The following PHAX variants were observed in gnomAD, a reference collection of about 807,000 sequenced individuals.
PHAX encodes the protein phosphorylated adapter RNA export protein.
In PHAX, 31 loss-of-function variants were observed where a neutral mutation model predicts 41.6. That is an observed-to-expected ratio of 0.75 (90% CI 0.56 to 1.01). The LOEUF (loss-of-function observed/expected upper bound fraction) is 1.01. PHAX is among the 50% of genes least tolerant of loss of function. The pLI, the probability that PHAX is intolerant of heterozygous loss-of-function variation, is 0.00. For missense variants in PHAX, 453 were observed against 472.9 expected, an observed-to-expected ratio of 0.96 and a Z score of 0.39; for synonymous variants, 175 against 164.9, an observed-to-expected ratio of 1.06 and a Z score of -0.47.
At position 126,626,734 on chromosome 5, in the gene PHAX, T is replaced by G. The variant is rs1423559020; in HGVS notation, c.*1890T>G. 1 of 57,302 alleles carries G rather than the reference T, an allele frequency of 1.7e-5. No individual in the cohort carries two copies. The highest frequency in any genetic ancestry group is 2.7e-5 in the Non-Finnish European group (1 of 36,940). The allele number at this position is 57,302 out of a possible 1,614,324, so 3.5% of individuals were successfully genotyped here. A position where few individuals can be genotyped will look rare whatever the true frequency, so the allele number is the denominator to read the frequency against. ...CCTGGCGACAGAGCGAGACTCCCTCTCAAAAAAAAAAAAAAAAATACAAAA... is the reference window on the plus strand; with the variant it reads ...CCTGGCGACAGAGCGAGACTCCCTCGCAAAAAAAAAAAAAAAAATACAAAA... On this transcript the variant is annotated 3_prime_UTR_variant, in exon 5 of 5. Coordinates refer to ENST00000297540, the MANE Select transcript of PHAX (RefSeq NM_032177.4).
At chr5:126,607,120 A>C (rs998149999) in intron 2 of PHAX, among the ~76,000 whole-genome samples, 2 of 152,232 alleles carry the variant, frequency 1.3e-5, no homozygotes, top group Admixed American at 1.3e-4. Flanking sequence ...GATACGGTTC[A>C]AGAGTAATGC....
In PHAX at chr5:126,626,288, A is replaced by T. The variant is rs1159607820; in HGVS notation, c.*1444A>T. ...AGACTGTCTTACCTTATGTTAAGGA[A>T]GTCAGGTATTTAAAATGTTACATAT... is the stretch of plus-strand genomic sequence containing the variant. On this transcript the variant is annotated 3_prime_UTR_variant, in exon 5 of 5. Transcript: ENST00000297540. 1 of 152,194 alleles carries T rather than the reference A, an allele frequency of 6.6e-6. No individual in the cohort carries two copies. The highest frequency in any genetic ancestry group is 1.9e-4 in the East Asian group (1 of 5,198). 9.4% of individuals were successfully genotyped at this position (152,194 alleles called of 1,614,324 possible).
chr5:126,610,877 T>C (rs563150824), intron 3 of PHAX, among the ~76,000 whole-genome samples: 1 of 152,190 alleles, frequency 6.6e-6, no homozygotes, highest in South Asian at 2.1e-4. Flanking sequence ...GGCTAATTTT[T>C]TGTGTTTTTA....
chr5:126,624,337 A>T (rs959071011), intron 4 of PHAX, among the ~76,000 whole-genome samples: 1 of 152,066 alleles, frequency 6.6e-6, no homozygotes, highest in African/African-American at 2.4e-5. Flanking sequence ...AACTGTAGAG[A>T]TGATACATTA....
chr5:126,602,399 TG>T lies in PHAX; in HGVS notation c.97-1170del, dbSNP rs749076662. Among the ~76,000 whole-genome samples the T allele has an allele frequency of 1.5e-3, 236 of 152,364 alleles. 3 individuals are homozygous for T. The highest frequency in any genetic ancestry group is 9.9e-3 in the Admixed American group (152 of 15,298). The stretch of plus-strand genomic sequence containing the variant: ...AGGTTTATTTAGCCTCACTGCTTTT[TG>T]TCTACCTCTGTGGAATTGGCATGAT... On this transcript the variant is annotated intron_variant, in intron 1 of 4. Coordinates refer to ENST00000297540, the MANE Select transcript of PHAX (RefSeq NM_032177.4).
At chr5:126,613,131 C>T (rs777611520) in intron 3 of PHAX, among the ~76,000 whole-genome samples, 25 of 152,156 alleles carry the variant, frequency 1.6e-4, no homozygotes, top group Non-Finnish European at 2.9e-4. Flanking sequence ...GGCATATCAC[C>T]TGAGGTCAGG....
In PHAX at chr5:126,625,596, C is replaced by CAAAAAA. The variant is rs34986351; in HGVS notation, c.*762_*767dup. The CAAAAAA allele has an allele frequency of 8.5e-6, 1 of 117,732 alleles. No homozygotes were observed. The highest frequency in any genetic ancestry group is 2.9e-5 in the African/African-American group (1 of 34,380). The allele number at this position is 117,732 out of a possible 1,614,324, so 7.3% of individuals were successfully genotyped here. A position where few individuals can be genotyped will look rare whatever the true frequency, so the allele number is the denominator to read the frequency against. On this transcript the variant is annotated 3_prime_UTR_variant, in exon 5 of 5. Transcript: ENST00000297540. ...TGGGCGACAGAGCAAGACTCTGTCTCAAAAAAAAAAAAAAATACAATTAAG... is the reference window on the plus strand; with the variant it reads ...TGGGCGACAGAGCAAGACTCTGTCTCAAAAAAAAAAAAAAAAAAAAATACAATTAAG...
intron 3 of PHAX, among the ~76,000 whole-genome samples, chr5:126,608,834 G>C (rs1295957392): frequency 6.6e-6 from 1 of 151,684 alleles, no homozygotes; most frequent in African/African-American, 2.4e-5. Context: ...TACTCAGGAG[G>C]CTGAGGCAGG....
At chr5:126,623,515 C>A (rs1752301800) in intron 4 of PHAX, among the ~76,000 whole-genome samples, 1 of 152,128 alleles carries the variant, frequency 6.6e-6, no homozygotes, top group Non-Finnish European at 1.5e-5. Context: ...GGTAGCAAGC[C>A]TCATTATATT....
chr5:126,608,334 AAG>A (rs766679899), intron 2 of PHAX, 28 bp from the exon 3 acceptor site: 5 of 1,603,506 alleles, frequency 3.1e-6, no homozygotes, highest in South Asian at 1.1e-5. Context: ...ACAACAAACA[AAG>A]AGGATAATTT....
At chr5:126,609,603 G>T (rs1189048286) in intron 3 of PHAX, among the ~76,000 whole-genome samples, 2 of 151,948 alleles carry the variant, frequency 1.3e-5, no homozygotes, top group Admixed American at 1.3e-4. Flanking sequence ...TTAAGGATTA[G>T]AGGAGATGGT....
At chr5:126,622,224 C>G (rs966724704) in intron 4 of PHAX, among the ~76,000 whole-genome samples, 16 of 152,072 alleles carry the variant, frequency 1.1e-4, no homozygotes, top group African/African-American at 3.9e-4. Context: ...ACCTCTGCCT[C>G]CCGGGTTCAG....
At chr5:126,608,664 C>T (rs917946898) in intron 3 of PHAX, among the ~76,000 whole-genome samples, 180 bp downstream of exon 3, 5 of 151,974 alleles carry the variant, frequency 3.3e-5, no homozygotes, top group African/African-American at 4.8e-5. Flanking sequence ...TTGCCAGGCA[C>T]GGTGGCTCAA....
In PHAX at chr5:126,600,981, G is replaced by T; in HGVS notation, c.19G>T (p.Asp7Tyr). 1.9e-6 allele frequency: 3 copies of T among 1,604,362 alleles called. No individual in the cohort carries two copies. The highest frequency in any genetic ancestry group is 1.4e-5 in the African/African-American group (1 of 73,112). ...CGGGAAGATGGCGTTGGAGGTCGGC[G>T]ATATGGAAGATGGGCAGCTTTCCGA... The part of the protein sequence containing the change: MALEVG[D>Y]MEDGQLSDSD... The change falls in exon 1 of 5, where the codon GAT (aspartate) becomes TAT (tyrosine). Residue 7 changes from aspartate (D) to tyrosine (Y), a missense_variant. Transcript: ENST00000297540.
At chr5:126,607,326 C>A (rs918965236) in intron 2 of PHAX, among the ~76,000 whole-genome samples, 1 of 149,682 alleles carries the variant, frequency 6.7e-6, no homozygotes, top group Non-Finnish European at 1.5e-5. Flanking sequence ...TAGTCTATTT[C>A]TCTTTCCACA....
chr5:126,622,999 G>A (rs566748824), intron 4 of PHAX, among the ~76,000 whole-genome samples: 1 of 152,046 alleles, frequency 6.6e-6, no homozygotes, highest in African/African-American at 2.4e-5. Context: ...GGTAGCTCAC[G>A]CCTGTAGTTC....
intron 4 of PHAX, among the ~76,000 whole-genome samples, chr5:126,618,627 T>TA (rs1467374998): frequency 1.3e-5 from 2 of 150,706 alleles, no homozygotes; most frequent in East Asian, 3.9e-4. Flanking sequence ...TTAATTAAAT[T>TA]TTTTTTTTTA....
At chr5:126,615,654 C>T (rs1296901473) in intron 3 of PHAX, among the ~76,000 whole-genome samples, 1 of 151,852 alleles carries the variant, frequency 6.6e-6, no homozygotes, top group South Asian at 2.1e-4. Context: ...AGATAAGCAT[C>T]GTTTAGGCAT....
intron 4 of PHAX, among the ~76,000 whole-genome samples, chr5:126,618,579 T>A (rs980560645): frequency 1.3e-5 from 2 of 152,060 alleles, no homozygotes; most frequent in African/African-American, 2.4e-5. Context: ...TAGGTTTCCA[T>A]ATTCCATTTG....
Sources: allele counts gnomAD v4.1 joint callset (sites outside exome capture counted in the v4.1 genomes callset), GRCh38; gene constraint gnomAD v4.1.1; transcripts MANE v1.5; gene names NCBI Gene and HGNC (gene_info 2026-07-23, HGNC 2026-07-21).